Variants in GPATCH2 observed in about 807,000 individuals in gnomAD.
GPATCH2 encodes the protein G patch domain-containing protein 2.
In GPATCH2, 51 loss-of-function variants were observed where a neutral mutation model predicts 58.0. That is an observed-to-expected ratio of 0.88 (90% CI 0.70 to 1.11). The LOEUF (loss-of-function observed/expected upper bound fraction) is 1.11, where lower values mean the gene tolerates loss of function less well. GPATCH2 is among the 50% of genes most tolerant of loss of function. The pLI is 0.00. For synonymous variants in GPATCH2, 222 were observed against 218.5 expected, an observed-to-expected ratio of 1.02 and a Z score of -0.14; for missense variants, 625 against 652.2, an observed-to-expected ratio of 0.96 and a Z score of 0.45.
At chr1:217,500,744 G>C (rs930467493) in intron 6 of GPATCH2, among the ~76,000 whole-genome samples, 1 of 151,902 alleles carries the variant, frequency 6.6e-6, no homozygotes, top group African/African-American at 2.4e-5. Flanking sequence ...GAGAAAATTA[G>C]TTTTTGTTTT....
intron 8 of GPATCH2, among the ~76,000 whole-genome samples, chr1:217,454,759 G>A (rs940853401): frequency 2.1e-5 from 3 of 140,330 alleles, no homozygotes; most frequent in African/African-American, 5.1e-5. Flanking sequence ...CGGCCCCCAC[G>A]GGTAGCTGGG....
Position 217,514,839 on chromosome 1 carries a change from C to T in GPATCH2, c.1149G>A (p.Pro383=), listed in dbSNP as rs755021359. The T allele has an allele frequency of 1.7e-5, 26 of 1,509,496 alleles. No individual in the cohort carries two copies. Among genetic ancestry groups the T allele is most frequent in the East Asian group, 2.3e-5 (1 of 44,348 alleles). 93.5% of individuals were successfully genotyped at this position (1,509,496 alleles called of 1,614,324 possible). The change falls in exon 6 of 10, where the codon CCG becomes CCA. Residue 383 remains proline (P), a synonymous_variant. Coordinates refer to ENST00000366935, the MANE Select transcript of GPATCH2 (RefSeq NM_018040.5). Reference sequence around the variant, plus strand: ...GTACTCACTCATGGTGATGAGAATCCGGGGAAAAATGAACCATTCTCTTGT... The same window carrying T: ...GTACTCACTCATGGTGATGAGAATCTGGGGAAAAATGAACCATTCTCTTGT... ...VGNKRMVHFS[P]DSHHHDHWFS...
intron 5 of GPATCH2, among the ~76,000 whole-genome samples, chr1:217,538,427 T>C (rs1057083902): frequency 3.9e-5 from 6 of 152,242 alleles, no homozygotes; most frequent in African/African-American, 1.4e-4. Context: ...AATAATTTAC[T>C]CTTGTGTTTA....
intron 5 of GPATCH2, among the ~76,000 whole-genome samples, chr1:217,557,262 C>T (rs189888849): frequency 3.0e-4 from 45 of 152,072 alleles, no homozygotes; most frequent in Non-Finnish European, 8.8e-5. Flanking sequence ...CAAAAATTGG[C>T]TGGGCGTGGT....
intron 5 of GPATCH2, among the ~76,000 whole-genome samples, chr1:217,584,895 G>A (rs552188187): frequency 1.6e-4 from 25 of 152,008 alleles, no homozygotes; most frequent in Non-Finnish European, 2.8e-4. Flanking sequence ...AAATCCAACC[G>A]TATGCTGTCT....
At chr1:217,622,530 C>G (rs938818007) in intron 1 of GPATCH2, among the ~76,000 whole-genome samples, 7 of 152,088 alleles carry the variant, frequency 4.6e-5, no homozygotes, top group African/African-American at 1.7e-4. Flanking sequence ...TCTAAGGGTA[C>G]TATATACAAC....
intron 6 of GPATCH2, among the ~76,000 whole-genome samples, chr1:217,500,115 T>G (rs755489464): frequency 6.6e-6 from 1 of 152,188 alleles, no homozygotes. Flanking sequence ...CTTTTCTTTT[T>G]GTTTCTCCTA....
chr1:217,619,976 C>G lies in GPATCH2; in HGVS notation c.580G>C (p.Asp194His), dbSNP rs1366220124. 6.2e-7 allele frequency: 1 copy of G among 1,613,922 alleles called. No individual in the cohort carries two copies. The highest frequency in any genetic ancestry group is 8.5e-7 in the Non-Finnish European group (1 of 1,179,992). The change falls in exon 2 of 10, where the codon GAC becomes CAC. Residue 194 changes from aspartate to histidine, a missense_variant. Coordinates refer to ENST00000366935, the MANE Select transcript of GPATCH2 (RefSeq NM_018040.5). ...TGATACTGGTAGGCTCTATCACTGT[C>G]CATGTCCTGATCTCTACAACCCTCA... is the stretch of plus-strand genomic sequence containing the variant. ...PPEGCRDQDM[D>H]SDRAYQYQEF... is the part of the protein sequence containing the mutation.
intron 5 of GPATCH2, among the ~76,000 whole-genome samples, chr1:217,543,988 A>T (rs1301018367): frequency 6.6e-6 from 1 of 152,198 alleles, no homozygotes; most frequent in Non-Finnish European, 1.5e-5. Flanking sequence ...TCAAGATGTT[A>T]ATTTATCTTA....
intron 5 of GPATCH2, among the ~76,000 whole-genome samples, chr1:217,532,605 GAAAT>G (rs1558463877): frequency 2.0e-5 from 3 of 151,770 alleles, no homozygotes; most frequent in Non-Finnish European, 4.4e-5. Context: ...AAAATGAAAT[GAAAT>G]AAATAAGGAG....
At chr1:217,513,081 G>GGA (rs1662934363) in intron 6 of GPATCH2, among the ~76,000 whole-genome samples, 1 of 152,190 alleles carries the variant, frequency 6.6e-6, no homozygotes, top group African/African-American at 2.4e-5. Flanking sequence ...CCTGAGGTCA[G>GGA]GAGTTCGAGA....
chr1:217,531,772 C>T (rs12745350), intron 5 of GPATCH2, among the ~76,000 whole-genome samples: 32,396 of 152,104 alleles, frequency 0.21, 4,396 homozygotes, highest in East Asian at 0.36. Flanking sequence ...CTGGGTAGCA[C>T]ACTGTTAAGA....
intron 1 of GPATCH2, among the ~76,000 whole-genome samples, chr1:217,627,297 T>C (rs1399151602): frequency 1.3e-5 from 2 of 151,996 alleles, no homozygotes; most frequent in African/African-American, 2.4e-5. Flanking sequence ...ATACTGGGAA[T>C]CTTGAGGGTA....
At chr1:217,559,866 T>G (rs1665831629) in intron 5 of GPATCH2, among the ~76,000 whole-genome samples, 1 of 145,514 alleles carries the variant, frequency 6.9e-6, no homozygotes, top group Non-Finnish European at 1.5e-5. Context: ...GACACAAAAA[T>G]CCAGAGGGAG....
rs185332221 is a variant in GPATCH2, at chr1:217,428,679, G to A, written c.*2466C>T. 3 of 152,270 alleles carry A rather than the reference G, an allele frequency of 2.0e-5. No individual in the cohort carries two copies. The highest frequency in any genetic ancestry group is 7.2e-5 in the African/African-American group (3 of 41,558). The allele number at this position is 152,270 out of a possible 1,614,324, so 9.4% of individuals were successfully genotyped here. ...ATTAAACACTTCAACAGAGTAAGAA[G>A]TATTTTAAGTCCTCTGTGAATCACA... is the stretch of plus-strand genomic sequence containing the variant. On this transcript the variant is annotated 3_prime_UTR_variant, in exon 10 of 10. Transcript: ENST00000366935.
At chr1:217,626,661 C>A (rs1264026783) in intron 1 of GPATCH2, among the ~76,000 whole-genome samples, 1 of 152,110 alleles carries the variant, frequency 6.6e-6, no homozygotes, top group East Asian at 1.9e-4. Flanking sequence ...GAATATTATT[C>A]ATCAAATAAG....
intron 1 of GPATCH2, among the ~76,000 whole-genome samples, chr1:217,629,233 A>T (rs1230964290): frequency 9.9e-6 from 1 of 101,516 alleles, no homozygotes; most frequent in East Asian, 2.4e-4. Context: ...ATAGTCATAC[A>T]GATAGTCATA....
intron 8 of GPATCH2, among the ~76,000 whole-genome samples, chr1:217,483,360 C>T (rs1201672974): frequency 6.6e-6 from 1 of 152,066 alleles, no homozygotes; most frequent in Non-Finnish European, 1.5e-5. Context: ...AATATTTTTA[C>T]TTTTTGTAGA....
chr1:217,446,887 G>A (rs1017182931), intron 9 of GPATCH2, among the ~76,000 whole-genome samples: 4 of 152,210 alleles, frequency 2.6e-5, no homozygotes, highest in East Asian at 1.9e-4. Context: ...TATATTATCC[G>A]CTCCTCAACC....
Sources: gnomAD v4.1 joint callset for allele counts (sites outside exome capture counted in the v4.1 genomes callset) on GRCh38, gnomAD v4.1.1 for gene constraint, MANE v1.5 for transcripts, NCBI Gene and HGNC (gene_info 2026-07-23, HGNC 2026-07-21) for gene names.